The following ADAMTSL2 variants were observed in gnomAD, a reference collection of about 807,000 sequenced individuals.
The protein encoded by ADAMTSL2 is ADAMTS like 2.
Under a neutral mutation model 117.0 loss-of-function variants are expected in ADAMTSL2, and 55 were observed. The ratio of observed to expected loss-of-function variants is 0.47; its 90% confidence interval spans 0.38 to 0.59. The LOEUF is 0.59. Ranked by LOEUF, ADAMTSL2 falls within the 20% of genes least tolerant of loss-of-function variation. The probability of loss-of-function intolerance (pLI) is 0.00; values close to 1 mark genes in which losing one functional copy is unlikely to be tolerated. For synonymous variants in ADAMTSL2, 572 were observed against 566.4 expected, an observed-to-expected ratio of 1.01 and a Z score of -0.14; for missense variants, 1,182 against 1,354.5, an observed-to-expected ratio of 0.87 and a Z score of 2.00.
chr9:133,546,567 G>A (rs573439524), intron 8 of ADAMTSL2, among the ~76,000 whole-genome samples: 2 of 152,254 alleles, frequency 1.3e-5, no homozygotes, highest in East Asian at 3.9e-4. Flanking sequence ...GCGATCCCCA[G>A]GAAAGGCCTG....
chr9:133,555,597 A>G lies in ADAMTSL2; in HGVS notation c.1316A>G (p.Asp439Gly). The change falls in exon 11 of 19, where the codon GAT (aspartate) becomes GGT (glycine). Residue 439 changes from aspartate to glycine, a missense_variant. Around this residue, in one of 3 missense-constraint regions of ADAMTSL2, gnomAD observed 345 missense variants for 325.8 expected, o/e 1.06. Transcript: ENST00000651351. ...GGGACTCCTCTCACCGGGGACAAGGATGACGAAGAGGTTGACACCCACTTC... is the reference window on the plus strand; with the variant it reads ...GGGACTCCTCTCACCGGGGACAAGGGTGACGAAGAGGTTGACACCCACTTC... Reference protein sequence around the residue: ...VTGTPLTGDKDDEEVDTHFAS... With the variant: ...VTGTPLTGDKGDEEVDTHFAS... 2.5e-6 allele frequency: 4 copies of G among 1,613,250 alleles called. No homozygotes were observed. Among genetic ancestry groups the G allele is most frequent in the East Asian group, 2.2e-5 (1 of 44,870 alleles).
At chr9:133,534,993 G>C in intron 1 of ADAMTSL2, 76 bp downstream of exon 1, 1 of 1,317,722 alleles carries the variant, frequency 7.6e-7, no homozygotes, top group South Asian at 2.0e-5. Flanking sequence ...TGGGGCTGGG[G>C]GTAGGAGCAC....
chr9:133,538,814 G>GAAACAGTACCCCCCACC (rs1564492641), intron 4 of ADAMTSL2, among the ~76,000 whole-genome samples: 2 of 151,808 alleles, frequency 1.3e-5, no homozygotes, highest in Non-Finnish European at 2.9e-5. Flanking sequence ...TACCCCCCAC[G>GAAACAGTACCCCCCACC]CCATAAAACA....
intron 12 of ADAMTSL2, among the ~76,000 whole-genome samples, chr9:133,565,764 G>A (rs1830956337): frequency 1.3e-5 from 2 of 152,186 alleles, no homozygotes; most frequent in South Asian, 4.1e-4. Context: ...ATTTCCTTCT[G>A]GGGGAACTGG....
At chr9:133,551,444 C>T (rs938926142) in intron 9 of ADAMTSL2, among the ~76,000 whole-genome samples, 1 of 152,174 alleles carries the variant, frequency 6.6e-6, no homozygotes, top group African/African-American at 2.4e-5. Flanking sequence ...ACACTTCCAC[C>T]TTACAATGGA....
intron 9 of ADAMTSL2, among the ~76,000 whole-genome samples, chr9:133,553,324 T>C (rs1224633880): frequency 6.6e-6 from 1 of 152,108 alleles, no homozygotes. Flanking sequence ...AAGAGCACGC[T>C]CTCTGCTCCT....
chr9:133,550,016 G>A (rs1439154016), intron 9 of ADAMTSL2, among the ~76,000 whole-genome samples: 1 of 152,206 alleles, frequency 6.6e-6, no homozygotes, highest in Non-Finnish European at 1.5e-5. Flanking sequence ...AGGGCCAGAG[G>A]GTATGAGACA....
chr9:133,534,686 C>CGCCGGCGCAGA, upstream of ADAMTSL2: 1 of 1,351,672 alleles, frequency 7.4e-7, no homozygotes, highest in South Asian at 1.8e-5. Flanking sequence ...TAAAGGCGGC[C>CGCCGGCGCAGA]GCCGGCGCAG....
At chr9:133,564,629 A>AGAGG (rs1830910635) in intron 12 of ADAMTSL2, among the ~76,000 whole-genome samples, 1 of 67,350 alleles carries the variant, frequency 1.5e-5, no homozygotes, top group Non-Finnish European at 3.2e-5. Flanking sequence ...AGAGAGGGAG[A>AGAGG]GAGAGAGAGA....
At chr9:133,572,546 T>TG (rs1460635391) in intron 17 of ADAMTSL2, among the ~76,000 whole-genome samples, 4 of 151,916 alleles carry the variant, frequency 2.6e-5, no homozygotes, top group Middle Eastern at 3.4e-3. Flanking sequence ...TAGCTTCAGA[T>TG]GGGGGGGCCA....
At chr9:133,556,855 G>A (rs1422330506) in intron 11 of ADAMTSL2, among the ~76,000 whole-genome samples, 2 of 152,202 alleles carry the variant, frequency 1.3e-5, no homozygotes, top group Admixed American at 1.3e-4. Flanking sequence ...ACAGTCCGTG[G>A]TGACAAGCCC....
chr9:133,564,960 C>T lies in ADAMTSL2; in HGVS notation c.1748-1976C>T, dbSNP rs565019465. ...AGATCAGCCTGCCCTGAGCTTTGGC[C>T]GCGGTGGGGAAGCTTGTTTTTAGAT... is the stretch of plus-strand genomic sequence containing the variant. On this transcript the variant is annotated intron_variant, in intron 12 of 18. Coordinates refer to ENST00000651351, the MANE Select transcript of ADAMTSL2 (RefSeq NM_014694.4). Among the ~76,000 whole-genome samples the T allele has an allele frequency of 3.2e-4, 48 of 152,144 alleles. No individual in the cohort carries two copies. The South Asian group carries it at 7.7e-3, about 24-fold the overall frequency.
chr9:133,567,576 G>A (rs760698879), intron 13 of ADAMTSL2, among the ~76,000 whole-genome samples: 8 of 152,144 alleles, frequency 5.3e-5, no homozygotes, highest in Admixed American at 2.0e-4. Flanking sequence ...GGCCTCCCCC[G>A]ACAAGGATCA....
intron 8 of ADAMTSL2, among the ~76,000 whole-genome samples, chr9:133,545,847 G>A (rs1356934212): frequency 6.6e-6 from 1 of 152,152 alleles, no homozygotes; most frequent in African/African-American, 2.4e-5. Context: ...AAACAGGGCC[G>A]AGACAACCAG....
chr9:133,546,423 G>A (rs116400389), intron 8 of ADAMTSL2, among the ~76,000 whole-genome samples: 2 of 150,756 alleles, frequency 1.3e-5, no homozygotes, highest in South Asian at 4.3e-4. Context: ...GGACCAGGCC[G>A]CCCTGGCCTG....
At chr9:133,536,049 G>A (rs367784046) in intron 1 of ADAMTSL2, among the ~76,000 whole-genome samples, 19 of 152,300 alleles carry the variant, frequency 1.2e-4, no homozygotes, top group African/African-American at 4.3e-4. Flanking sequence ...TTCTCTCCGG[G>A]GATCGGGAGG....
In ADAMTSL2 at chr9:133,569,402, C is replaced by G. The variant is rs1330504768; in HGVS notation, c.2245-6C>G. 14 of 1,613,116 alleles carry G rather than the reference C, an allele frequency of 8.7e-6. No individual in the cohort carries two copies. The highest frequency in any genetic ancestry group is 2.2e-5 in the East Asian group (1 of 44,890). ...GGATGTCCCCTGCCTGTCCTCTCCC[C>G]TGCAGTGCAGTGGAAGCTGCGGGCA... is the stretch of plus-strand genomic sequence containing the variant. On this transcript the variant is annotated splice_region_variant and splice_polypyrimidine_tract_variant and intron_variant, in intron 15 of 18. Coordinates refer to ENST00000651351, the MANE Select transcript of ADAMTSL2 (RefSeq NM_014694.4).
intron 16 of ADAMTSL2, among the ~76,000 whole-genome samples, chr9:133,570,015 C>A (rs1473757053): frequency 6.6e-6 from 1 of 152,234 alleles, no homozygotes; most frequent in African/African-American, 2.4e-5. Flanking sequence ...CAGCAGCTCC[C>A]GGCAGGTCAC....
At chr9:133,542,599 C>T (rs1830251556) in intron 7 of ADAMTSL2, among the ~76,000 whole-genome samples, 2 of 152,198 alleles carry the variant, frequency 1.3e-5, no homozygotes, top group Admixed American at 6.5e-5. Flanking sequence ...AACTCATTCA[C>T]GCCTGGCAAC....
Sources: gnomAD v4.1 joint callset for allele counts (sites outside exome capture counted in the v4.1 genomes callset) on GRCh38, gnomAD v4.1.1 for gene constraint, gnomAD v4.1.1 regional missense constraint, MANE v1.5 for transcripts, NCBI Gene and HGNC (gene_info 2026-07-23, HGNC 2026-07-21) for gene names.